PRKG1: variants seen among roughly 807,000 people sequenced by gnomAD.
The protein encoded by PRKG1 is cGMP-dependent protein kinase 1.
PRKG1 carries 35 observed loss-of-function variants against 88.1 expected under a neutral mutation model. The observed-to-expected ratio is 0.40, with a 90% CI of 0.30 to 0.53. The LOEUF (loss-of-function observed/expected upper bound fraction) is 0.53. Among genes scored for constraint, PRKG1 ranks in the 20% least tolerant of loss-of-function variants. The probability of loss-of-function intolerance (pLI) is 0.59; values close to 1 mark genes in which losing one functional copy is unlikely to be tolerated. For synonymous variants in PRKG1, 303 were observed against 292.5 expected, an observed-to-expected ratio of 1.04 and a Z score of -0.37; for missense variants, 540 against 839.8, an observed-to-expected ratio of 0.64 and a Z score of 4.41.
chr10:51,830,824 A>AGTGCT (rs1192691879), intron 4 of PRKG1, among the ~76,000 whole-genome samples: 2 of 152,014 alleles, frequency 1.3e-5, no homozygotes, highest in Non-Finnish European at 2.9e-5. Context: ...GGCCCCCCAA[A>AGTGCT]GTGCTGGTAT....
chr10:51,917,870 T>C (rs1842377581), intron 5 of PRKG1, among the ~76,000 whole-genome samples: 1 of 152,204 alleles, frequency 6.6e-6, no homozygotes, highest in African/African-American at 2.4e-5. Flanking sequence ...CATCATTACA[T>C]AGAAAAAAAC....
chr10:51,717,628 G>A (rs1841917265), intron 3 of PRKG1, among the ~76,000 whole-genome samples: 2 of 152,070 alleles, frequency 1.3e-5, no homozygotes, highest in South Asian at 4.1e-4. Context: ...TCAGGAGATT[G>A]AGACCATCCT....
At chr10:51,144,469 T>A (rs1404026889) in intron 1 of PRKG1, among the ~76,000 whole-genome samples, 1 of 152,094 alleles carries the variant, frequency 6.6e-6, no homozygotes, top group Non-Finnish European at 1.5e-5. Flanking sequence ...GAACACAGAA[T>A]AACTACTTAA....
intron 3 of PRKG1, among the ~76,000 whole-genome samples, chr10:51,530,142 T>G (rs553206065): frequency 1.6e-4 from 24 of 152,324 alleles, no homozygotes; most frequent in African/African-American, 5.8e-4. Flanking sequence ...AAGAAAAAAT[T>G]TAAGCTTTAT....
chr10:51,938,384 C>A (rs766634223), intron 5 of PRKG1, among the ~76,000 whole-genome samples: 1 of 151,868 alleles, frequency 6.6e-6, no homozygotes, highest in Non-Finnish European at 1.5e-5. Context: ...TTTAGACAGC[C>A]ACTGGGGATC....
intron 2 of PRKG1, among the ~76,000 whole-genome samples, chr10:51,410,801 A>C (rs1400765463): frequency 1.3e-5 from 2 of 151,506 alleles, no homozygotes; most frequent in East Asian, 3.8e-4. Context: ...GTTAAATATA[A>C]ATAAAAGTTT....
chr10:52,187,498 G>A lies in PRKG1; in HGVS notation c.1076+25535G>A, dbSNP rs148164553. On this transcript the variant is annotated intron_variant, in intron 9 of 17. Transcript: ENST00000373980. ...AACTGAATGCCCTATGAAAAACAATGAGTAGGCTACAGGCAAAAATAAGTG... is the reference window on the plus strand; with the variant it reads ...AACTGAATGCCCTATGAAAAACAATAAGTAGGCTACAGGCAAAAATAAGTG... 4.0e-3 allele frequency among the ~76,000 whole-genome samples: 615 copies of A among 152,206 alleles called. 3 individuals carry two copies. The highest frequency in any genetic ancestry group is 0.014 in the African/African-American group (578 of 41,536).
At chr10:51,652,452 G>A (rs1021005429) in intron 3 of PRKG1, among the ~76,000 whole-genome samples, 1 of 151,964 alleles carries the variant, frequency 6.6e-6, no homozygotes, top group African/African-American at 2.4e-5. Flanking sequence ...CTTAAATATA[G>A]ATTTTAGAAA....
At chr10:51,977,179 A>C (rs1843859131) in intron 5 of PRKG1, among the ~76,000 whole-genome samples, 1 of 151,912 alleles carries the variant, frequency 6.6e-6, no homozygotes, top group Non-Finnish European at 1.5e-5. Flanking sequence ...ATGCATTCTC[A>C]TCATGTAGCT....
intron 5 of PRKG1, among the ~76,000 whole-genome samples, chr10:51,951,547 T>C (rs78333499): frequency 0.11 from 17,035 of 152,228 alleles, 1,208 homozygotes; most frequent in East Asian, 0.35. Context: ...ATAATAAATA[T>C]ATTTTCACTT....
At chr10:51,474,625 A>T (rs1035400709) in intron 3 of PRKG1, among the ~76,000 whole-genome samples, 1 of 151,970 alleles carries the variant, frequency 6.6e-6, no homozygotes, top group African/African-American at 2.4e-5. Context: ...AAGTAGCTAC[A>T]TTTTTTTACA....
intron 3 of PRKG1, among the ~76,000 whole-genome samples, chr10:51,564,832 C>G (rs1837559035): frequency 6.6e-6 from 1 of 152,050 alleles, no homozygotes; most frequent in Non-Finnish European, 1.5e-5. Context: ...TTGTAACTTT[C>G]TCTCATAATT....
intron 7 of PRKG1, among the ~76,000 whole-genome samples, chr10:52,101,880 G>A (rs1218070619): frequency 1.3e-5 from 2 of 152,112 alleles, no homozygotes; most frequent in Non-Finnish European, 2.9e-5. Context: ...GTCCACAAAG[G>A]ACATTTATTA....
intron 2 of PRKG1, among the ~76,000 whole-genome samples, chr10:51,236,012 G>T (rs1838978316): frequency 6.6e-6 from 1 of 152,148 alleles, no homozygotes. Context: ...TAGAGTTTCT[G>T]GTGTAGCTGC....
intron 5 of PRKG1, among the ~76,000 whole-genome samples, chr10:52,013,829 T>A (rs1243676341): frequency 6.6e-6 from 1 of 152,226 alleles, no homozygotes; most frequent in East Asian, 1.9e-4. Context: ...TCAAGTCTGT[T>A]CTTGATATCA....
intron 7 of PRKG1, among the ~76,000 whole-genome samples, chr10:52,131,870 G>A (rs1032246265): frequency 2.0e-5 from 3 of 147,534 alleles, no homozygotes; most frequent in Non-Finnish European, 3.0e-5. Context: ...CCAAAAGGCA[G>A]GGAATGTGAG....
At chr10:51,062,209 A>C (rs1843699531) in intron 1 of PRKG1, among the ~76,000 whole-genome samples, 1 of 152,234 alleles carries the variant, frequency 6.6e-6, no homozygotes, top group Non-Finnish European at 1.5e-5. Flanking sequence ...ATTAGCAGTT[A>C]AAGTTTAGCC....
intron 3 of PRKG1, among the ~76,000 whole-genome samples, chr10:51,554,211 A>G (rs540133460): frequency 4.2e-4 from 61 of 145,802 alleles, no homozygotes; most frequent in Admixed American, 1.0e-3. Flanking sequence ...TATGTGATAT[A>G]TGTATATTAT....
At chr10:51,579,464 T>C (rs542091203) in intron 3 of PRKG1, among the ~76,000 whole-genome samples, 1 of 152,290 alleles carries the variant, frequency 6.6e-6, no homozygotes, top group Non-Finnish European at 1.5e-5. Context: ...TTTGTGATAC[T>C]GTTAGATTAA....
Sources: gnomAD v4.1 joint callset for allele counts (sites outside exome capture counted in the v4.1 genomes callset) on GRCh38, gnomAD v4.1.1 for gene constraint, MANE v1.5 for transcripts, NCBI Gene and HGNC (gene_info 2026-07-23, HGNC 2026-07-21) for gene names.